The following SULT2B1 variants were observed in gnomAD, a reference collection of about 807,000 sequenced individuals.
SULT2B1 encodes the protein sulfotransferase family 2B member 1.
A neutral mutation model predicts 33.2 loss-of-function variants in SULT2B1; 16 were observed. The ratio of observed to expected loss-of-function variants is 0.48; its 90% CI spans 0.33 to 0.73. The LOEUF (loss-of-function observed/expected upper bound fraction) is 0.73, where lower values mean the gene tolerates loss of function less well. Ranked by LOEUF, SULT2B1 falls within the 30% of genes least tolerant of loss-of-function variation. SULT2B1 has a pLI of 0.02. For synonymous variants in SULT2B1, 186 were observed against 200.5 expected, an observed-to-expected ratio of 0.93 and a Z score of 0.61; for missense variants, 500 against 506.0, an observed-to-expected ratio of 0.99 and a Z score of 0.11.
At chr19:48,558,440 C>T (rs1052716718) in intron 1 of SULT2B1, among the ~76,000 whole-genome samples, 2 of 152,112 alleles carry the variant, frequency 1.3e-5, no homozygotes, top group South Asian at 2.1e-4. Context: ...GGACCTGGGG[C>T]GCCTCGGGCA....
At chr19:48,583,463 A>C (rs1229927687) in intron 2 of SULT2B1, among the ~76,000 whole-genome samples, 3 of 152,232 alleles carry the variant, frequency 2.0e-5, no homozygotes, top group African/African-American at 7.2e-5. Context: ...GCCGTTCATG[A>C]ATGAATGGAT....
chr19:48,592,932 C>G, intron 5 of SULT2B1, 116 bp downstream of exon 5: 1 of 856,218 alleles, frequency 1.2e-6, no homozygotes, highest in Non-Finnish European at 1.9e-6. Context: ...AATGCGCCAG[C>G]CCCTGGGGAT....
chr19:48,569,091 C>T (rs796227341), intron 1 of SULT2B1, among the ~76,000 whole-genome samples: 100 of 152,066 alleles, frequency 6.6e-4, no homozygotes, highest in African/African-American at 1.3e-3. Context: ...GCCTGTAATC[C>T]CAGCACTTTA....
intron 1 of SULT2B1, among the ~76,000 whole-genome samples, chr19:48,554,549 G>C (rs1449025076): frequency 6.9e-6 from 1 of 145,838 alleles, no homozygotes; most frequent in Non-Finnish European, 1.5e-5. Context: ...GGCTGTCCCA[G>C]GCTGCTCCTC....
intron 1 of SULT2B1, among the ~76,000 whole-genome samples, chr19:48,563,998 G>T (rs1021158904): frequency 8.7e-5 from 13 of 149,472 alleles, no homozygotes; most frequent in Non-Finnish European, 1.3e-4. Context: ...AGAAGAAGAA[G>T]AAGACTGGGC....
chr19:48,576,997 C>T (rs919429822), intron 2 of SULT2B1, among the ~76,000 whole-genome samples: 1 of 149,574 alleles, frequency 6.7e-6, no homozygotes, highest in Non-Finnish European at 1.5e-5. Context: ...GAGTTTGAGA[C>T]CAACCTGGGC....
Position 48,552,298 on chromosome 19 carries a change from T to A in SULT2B1, c.46T>A (p.Tyr16Asn). Reference sequence around the variant, plus strand: ...CCAGATCCCGGGCTTGTGGGACACCTATGAAGATGACATCTCGGAAATCAG... The same window carrying A: ...CCAGATCCCGGGCTTGTGGGACACCAATGAAGATGACATCTCGGAAATCAG... Reference protein sequence around the residue: ...EPQIPGLWDTYEDDISEISQK... With the variant: ...EPQIPGLWDTNEDDISEISQK... The change falls in exon 1 of 7, where the codon TAT becomes AAT. Residue 16 changes from tyrosine to asparagine, a missense_variant. Transcript: ENST00000201586. The surrounding 1 kb of genome is among the most constrained non-coding windows in gnomAD (Gnocchi z 4.8). 1 of 1,613,890 alleles carries A rather than the reference T, an allele frequency of 6.2e-7. No homozygotes were observed. Among genetic ancestry groups the A allele is most frequent in the Admixed American group, 1.7e-5 (1 of 60,006 alleles).
At chr19:48,569,299 G>C (rs12981760) in intron 1 of SULT2B1, among the ~76,000 whole-genome samples, 78,715 of 144,696 alleles carry the variant, frequency 0.54, 22,503 homozygotes, top group South Asian at 0.69. Flanking sequence ...CCAAGATCGC[G>C]CCACTGCACT....
At chr19:48,589,332 C>T (rs1376419948) in intron 3 of SULT2B1, among the ~76,000 whole-genome samples, 3 of 135,322 alleles carry the variant, frequency 2.2e-5, no homozygotes, top group Non-Finnish European at 1.6e-5. Context: ...GGGGAGCAGG[C>T]GGGGGAGGAA....
chr19:48,558,215 C>T (rs147757919), intron 1 of SULT2B1, among the ~76,000 whole-genome samples: 19 of 152,272 alleles, frequency 1.2e-4, no homozygotes, highest in African/African-American at 4.3e-4. Flanking sequence ...CCAAGCAGGG[C>T]GTAGCCAGGA....
intron 1 of SULT2B1, among the ~76,000 whole-genome samples, chr19:48,573,417 C>A (rs183073136): frequency 3.9e-5 from 6 of 152,012 alleles, no homozygotes; most frequent in African/African-American, 1.2e-4. Context: ...ACGTCCCAGG[C>A]GTAGAGAAGT....
intron 1 of SULT2B1, among the ~76,000 whole-genome samples, chr19:48,560,072 C>G (rs565458410): frequency 1.8e-4 from 28 of 152,204 alleles, no homozygotes; most frequent in Admixed American, 1.1e-3. Context: ...GTAGAAAGGA[C>G]TGCCCTCAGG....
chr19:48,558,830 G>T (rs1440105052), intron 1 of SULT2B1, among the ~76,000 whole-genome samples: 1 of 151,462 alleles, frequency 6.6e-6, no homozygotes, highest in Non-Finnish European at 1.5e-5. Context: ...GACTACAGGC[G>T]TGCGCCACCA....
At chr19:48,583,938 C>G (rs576586081) in intron 2 of SULT2B1, among the ~76,000 whole-genome samples, 3 of 152,252 alleles carry the variant, frequency 2.0e-5, no homozygotes, top group African/African-American at 7.2e-5. Flanking sequence ...ATGGTGAAAC[C>G]CTGTCTCTAC....
At chr19:48,591,878 T>C (rs1568413437) in intron 4 of SULT2B1, 143 bp downstream of exon 4, 1 of 949,402 alleles carries the variant, frequency 1.1e-6, no homozygotes, top group Middle Eastern at 2.9e-4. Flanking sequence ...AGAGAGCAGG[T>C]GGCCAGGAGA....
At chr19:48,561,001 G>A (rs778314779) in intron 1 of SULT2B1, among the ~76,000 whole-genome samples, 1 of 151,614 alleles carries the variant, frequency 6.6e-6, no homozygotes, top group Admixed American at 6.6e-5. Flanking sequence ...GTGTGGTGGT[G>A]GGCGCCCGTA....
chr19:48,585,327 G>T (rs1973547507), intron 2 of SULT2B1, among the ~76,000 whole-genome samples: 1 of 152,060 alleles, frequency 6.6e-6, no homozygotes, highest in Non-Finnish European at 1.5e-5. Flanking sequence ...TCCTTGATGA[G>T]GTCCCTTTCC....
intron 2 of SULT2B1, among the ~76,000 whole-genome samples, chr19:48,583,623 G>C (rs1973523770): frequency 6.6e-6 from 1 of 152,086 alleles, no homozygotes; most frequent in Non-Finnish European, 1.5e-5. Context: ...TTCAAGACCA[G>C]CCTGGCCAAA....
intron 3 of SULT2B1, among the ~76,000 whole-genome samples, chr19:48,588,371 G>T (rs1470275868): frequency 1.3e-5 from 2 of 151,340 alleles, no homozygotes; most frequent in African/African-American, 4.9e-5. Flanking sequence ...AGTTAGCTGG[G>T]CGTGGTGGCA....
Sources: allele counts gnomAD v4.1 joint callset (sites outside exome capture counted in the v4.1 genomes callset), GRCh38; gene constraint gnomAD v4.1.1; non-coding constraint Gnocchi (gnomAD v3.1); transcripts MANE v1.5; gene names NCBI Gene and HGNC (gene_info 2026-07-23, HGNC 2026-07-21).